CDC42BPA: variants seen among roughly 807,000 people sequenced by gnomAD.
The protein encoded by CDC42BPA is CDC42 binding protein kinase alpha.
In CDC42BPA, 80 loss-of-function variants were observed where a neutral mutation model predicts 223.5. The observed-to-expected ratio is 0.36, with a 90% CI of 0.30 to 0.43. The LOEUF is 0.43. CDC42BPA is among the 20% of genes least tolerant of loss of function. The pLI is 1.00. For synonymous variants in CDC42BPA, 694 were observed against 718.6 expected (o/e 0.97, Z 0.55); for missense variants, 1,743 against 2,099.9 (o/e 0.83, Z 3.32).
intron 16 of CDC42BPA, among the ~76,000 whole-genome samples, chr1:227,089,366 T>C (rs1179386166): frequency 2.0e-5 from 3 of 152,142 alleles, no homozygotes; most frequent in Non-Finnish European, 4.4e-5. Context: ...GTTCAGCTTA[T>C]CACTACTGAG....
chr1:227,226,322 T>TTAA (rs1433997102), intron 2 of CDC42BPA, among the ~76,000 whole-genome samples: 4 of 152,228 alleles, frequency 2.6e-5, no homozygotes, highest in African/African-American at 9.6e-5. Flanking sequence ...GGCTCCAGGT[T>TTAA]TAAGTCTTGA....
chr1:227,176,392 TTC>T (rs1229012576), intron 5 of CDC42BPA, among the ~76,000 whole-genome samples: 4 of 152,198 alleles, frequency 2.6e-5, no homozygotes, highest in Non-Finnish European at 5.9e-5. Flanking sequence ...TCCATAATCA[TTC>T]TGTTTCATTT....
intron 23 of CDC42BPA, among the ~76,000 whole-genome samples, chr1:227,046,179 T>C (rs983427676): frequency 4.6e-5 from 7 of 151,262 alleles, no homozygotes; most frequent in African/African-American, 1.7e-4. Context: ...TAAGAGTCAG[T>C]AAAAAAGCTA....
intron 28 of CDC42BPA, 82 bp from the exon 29 acceptor site, chr1:227,030,552 G>A: frequency 1.2e-6 from 1 of 823,216 alleles, no homozygotes; most frequent in East Asian, 2.7e-5. Flanking sequence ...AGAACATTTG[G>A]TGCAAAAAAT....
chr1:227,053,218 A>C (rs1673890957), intron 21 of CDC42BPA, among the ~76,000 whole-genome samples: 3 of 152,224 alleles, frequency 2.0e-5, no homozygotes, highest in Admixed American at 2.0e-4. Context: ...ACTTCTGTTC[A>C]ATGTGGAGAA....
intron 5 of CDC42BPA, among the ~76,000 whole-genome samples, chr1:227,163,323 G>A (rs1304435030): frequency 2.0e-5 from 3 of 151,708 alleles, no homozygotes; most frequent in Non-Finnish European, 4.4e-5. Flanking sequence ...TCCTGATAAC[G>A]GAATTTTGAT....
chr1:227,199,436 C>T, intron 4 of CDC42BPA, 121 bp downstream of exon 4: 1 of 624,068 alleles, frequency 1.6e-6, no homozygotes. Flanking sequence ...GAACAACTTA[C>T]CCTGTATGAA....
At chr1:227,252,071 C>A (rs1682109423) in intron 2 of CDC42BPA, among the ~76,000 whole-genome samples, 1 of 151,766 alleles carries the variant, frequency 6.6e-6, no homozygotes, top group Non-Finnish European at 1.5e-5. Context: ...TAGCCTTAAA[C>A]ACAGGTTTGA....
intron 24 of CDC42BPA, among the ~76,000 whole-genome samples, chr1:227,039,366 T>C (rs1489382198): frequency 2.0e-5 from 3 of 152,188 alleles, no homozygotes; most frequent in Non-Finnish European, 2.9e-5. Context: ...ATTCTACTTT[T>C]CCACAAGCTT....
chr1:227,267,542 C>G (rs1685207109), intron 1 of CDC42BPA, among the ~76,000 whole-genome samples: 1 of 152,180 alleles, frequency 6.6e-6, no homozygotes, highest in African/African-American at 2.4e-5. Context: ...ACCCATCAGA[C>G]AGGCGATTTT....
intron 1 of CDC42BPA, among the ~76,000 whole-genome samples, chr1:227,293,075 C>T (rs764763315): frequency 1.3e-5 from 2 of 152,016 alleles, no homozygotes; most frequent in African/African-American, 2.4e-5. Flanking sequence ...CATTTTATTC[C>T]CTATTTATTT....
chr1:227,294,436 G>T (rs552283655), intron 1 of CDC42BPA, among the ~76,000 whole-genome samples: 5 of 152,028 alleles, frequency 3.3e-5, no homozygotes, highest in Admixed American at 3.3e-4. Context: ...TTCATTGAGG[G>T]CCAGGAATTC....
chr1:227,083,497 C>G (rs896099960), intron 16 of CDC42BPA, among the ~76,000 whole-genome samples: 4 of 152,148 alleles, frequency 2.6e-5, no homozygotes, highest in Non-Finnish European at 4.4e-5. Flanking sequence ...ATACTGCGAA[C>G]TCCTGCGGGT....
intron 2 of CDC42BPA, among the ~76,000 whole-genome samples, chr1:227,237,572 C>A (rs1362544896): frequency 6.6e-6 from 1 of 152,150 alleles, no homozygotes; most frequent in Non-Finnish European, 1.5e-5. Flanking sequence ...TATCACTATA[C>A]CAATAGTTTA....
chr1:227,270,799 G>A (rs555145479), intron 1 of CDC42BPA, among the ~76,000 whole-genome samples: 56 of 152,102 alleles, frequency 3.7e-4, no homozygotes, highest in Non-Finnish European at 6.9e-4. Flanking sequence ...CTGTCTCTAC[G>A]GAATTTGCCT....
intron 3 of CDC42BPA, among the ~76,000 whole-genome samples, chr1:227,209,619 T>C (rs2150337141): frequency 6.7e-6 from 1 of 148,524 alleles, no homozygotes; most frequent in East Asian, 2.0e-4. Context: ...GATAATCATG[T>C]GGTTTTTGTC....
chr1:227,168,597 G>A (rs1203811058), intron 5 of CDC42BPA, among the ~76,000 whole-genome samples: 5 of 145,746 alleles, frequency 3.4e-5, no homozygotes, highest in African/African-American at 1.0e-4. Flanking sequence ...CTGGGTTCAC[G>A]CCATTCTCCT....
chr1:227,118,731 G>A (rs1347739814), intron 12 of CDC42BPA, among the ~76,000 whole-genome samples: 1 of 151,930 alleles, frequency 6.6e-6, no homozygotes, highest in Non-Finnish European at 1.5e-5. Context: ...ATTTGGCTGA[G>A]TAATCCTACC....
chr1:227,196,698 G>T (rs1487995684), intron 4 of CDC42BPA, among the ~76,000 whole-genome samples: 1 of 152,064 alleles, frequency 6.6e-6, no homozygotes, highest in Non-Finnish European at 1.5e-5. Flanking sequence ...TCACAAATTG[G>T]ATTCCTATAA....
Sources: allele counts gnomAD v4.1 joint callset (sites outside exome capture counted in the v4.1 genomes callset), GRCh38; gene constraint gnomAD v4.1.1; transcripts MANE v1.5; gene names NCBI Gene and HGNC (gene_info 2026-07-23, HGNC 2026-07-21).